The following GABRB2 variants were observed in gnomAD, a reference collection of about 807,000 sequenced individuals.
GABRB2 encodes the protein gamma-aminobutyric acid type A receptor subunit beta2.
GABRB2 carries 16 observed loss-of-function variants against 54.7 expected under a neutral mutation model. The ratio of observed to expected loss-of-function variants is 0.29; its 90% CI spans 0.20 to 0.44. The LOEUF (loss-of-function observed/expected upper bound fraction) is 0.44, where lower values mean the gene tolerates loss of function less well. GABRB2 is among the 20% of genes least tolerant of loss of function. The pLI is 1.00. For synonymous variants in GABRB2, 244 were observed against 233.8 expected (o/e 1.04, Z -0.40); for missense variants, 355 against 644.0 (o/e 0.55, Z 4.86).
chr5:161,442,430 T>TAAAA (rs1356896284), intron 4 of GABRB2, among the ~76,000 whole-genome samples: 1 of 152,218 alleles, frequency 6.6e-6, no homozygotes, highest in Admixed American at 6.5e-5. Context: ...ACCAGGACAC[T>TAAAA]GAAGCAGCCC....
Position 161,293,903 on chromosome 5 carries a change from A to G in GABRB2, c.*178T>C, listed in dbSNP as rs752513235. ...TGGAAAACCACAAGGACCTTAGTGT[A>G]TTCATTACTTAGCAGAAGCAACCCA... On this transcript the variant is annotated 3_prime_UTR_variant, in exon 10 of 10. Transcript: ENST00000393959. The G allele has an allele frequency of 1.0e-5, 6 of 596,610 alleles. No homozygotes were observed. Among genetic ancestry groups the G allele is most frequent in the Non-Finnish European group, 1.5e-5 (5 of 336,182 alleles). 37.0% of individuals were successfully genotyped at this position (596,610 alleles called of 1,614,324 possible).
chr5:161,524,482 C>T (rs1327268959), intron 3 of GABRB2, among the ~76,000 whole-genome samples: 1 of 151,598 alleles, frequency 6.6e-6, no homozygotes, highest in African/African-American at 2.4e-5. Context: ...AGCAGGAGCA[C>T]CAGATTGTAC....
chr5:161,534,169 CAG>C (rs1206139181), intron 3 of GABRB2, among the ~76,000 whole-genome samples: 1 of 152,146 alleles, frequency 6.6e-6, no homozygotes, highest in Non-Finnish European at 1.5e-5. Flanking sequence ...TTTTGCCCCC[CAG>C]GGTGCATTTG....
At chr5:161,306,409 T>C (rs1757692660) in intron 9 of GABRB2, among the ~76,000 whole-genome samples, 1 of 152,236 alleles carries the variant, frequency 6.6e-6, no homozygotes, top group Non-Finnish European at 1.5e-5. Flanking sequence ...TACTCAGATG[T>C]ATAGAGATAT....
chr5:161,305,033 G>A (rs928837431), intron 9 of GABRB2, among the ~76,000 whole-genome samples: 2 of 127,814 alleles, frequency 1.6e-5, no homozygotes, highest in Admixed American at 8.5e-5. Context: ...TTTTTGAGAC[G>A]GAGTCTCGCT....
intron 5 of GABRB2, among the ~76,000 whole-genome samples, chr5:161,341,968 T>TAC (rs59691217): frequency 1.9e-4 from 6 of 31,106 alleles, no homozygotes; most frequent in African/African-American, 3.5e-4. Flanking sequence ...TATATATATA[T>TAC]ACATACTTTA....
chr5:161,520,999 T>C (rs1760096335), intron 3 of GABRB2, among the ~76,000 whole-genome samples: 1 of 152,040 alleles, frequency 6.6e-6, no homozygotes, highest in Admixed American at 6.6e-5. Context: ...CTATGTCTTG[T>C]TGCCTGTGAC....
chr5:161,461,302 C>T (rs1161698554), intron 3 of GABRB2, among the ~76,000 whole-genome samples: 2 of 152,024 alleles, frequency 1.3e-5, no homozygotes, highest in Non-Finnish European at 2.9e-5. Flanking sequence ...AATTTTAATC[C>T]CAGCCTTACG....
intron 5 of GABRB2, among the ~76,000 whole-genome samples, chr5:161,341,345 TG>T (rs1754150598): frequency 6.6e-6 from 1 of 151,996 alleles, no homozygotes; most frequent in African/African-American, 2.4e-5. Flanking sequence ...GGAAATGCAC[TG>T]AAGCACTTCG....
chr5:161,365,716 A>T (rs1030180417), intron 5 of GABRB2, among the ~76,000 whole-genome samples: 11 of 152,132 alleles, frequency 7.2e-5, no homozygotes, highest in African/African-American at 2.4e-4. Context: ...CAGAGCCATG[A>T]TTCTTTCCTT....
chr5:161,294,636 T>C (rs1225233597), intron 9 of GABRB2, among the ~76,000 whole-genome samples: 1 of 152,190 alleles, frequency 6.6e-6, no homozygotes, highest in Non-Finnish European at 1.5e-5. Context: ...GATATAATAA[T>C]CCAACCCTAG....
intron 5 of GABRB2, among the ~76,000 whole-genome samples, chr5:161,357,141 A>G (rs527665411): frequency 2.0e-5 from 3 of 152,336 alleles, no homozygotes; most frequent in African/African-American, 7.2e-5. Context: ...AAGTAGAGCA[A>G]TCTAAGAAGT....
intron 4 of GABRB2, among the ~76,000 whole-genome samples, chr5:161,430,908 T>A (rs561835898): frequency 1.3e-3 from 200 of 152,252 alleles, no homozygotes; most frequent in African/African-American, 4.5e-3. Context: ...GACAAATTGC[T>A]TTTATAATTC....
chr5:161,497,510 G>T (rs1462280713), intron 3 of GABRB2, among the ~76,000 whole-genome samples: 1 of 130,760 alleles, frequency 7.6e-6, no homozygotes, highest in East Asian at 2.3e-4. Context: ...TTTGGACTTT[G>T]TGTGTGTGAG....
intron 4 of GABRB2, among the ~76,000 whole-genome samples, chr5:161,447,851 C>T (rs1157520974): frequency 6.6e-6 from 1 of 152,088 alleles, no homozygotes; most frequent in Admixed American, 6.6e-5. Flanking sequence ...GGGAAATAAG[C>T]CTGAAACTCC....
intron 5 of GABRB2, among the ~76,000 whole-genome samples, chr5:161,358,620 A>C (rs1754712373): frequency 6.6e-6 from 1 of 152,172 alleles, no homozygotes; most frequent in Non-Finnish European, 1.5e-5. Context: ...ATTTAGATGG[A>C]AGCATGAGAA....
At position 161,398,636 on chromosome 5, in the gene GABRB2, T is replaced by C. The variant is rs535972440; in HGVS notation, c.541+12339A>G. On this transcript the variant is annotated intron_variant, in intron 5 of 9. Transcript: ENST00000393959. The stretch of plus-strand genomic sequence containing the variant: ...ACAGCAGCCATCCTTAGGCTGGACT[T>C]TTCCATAGACACTGTTTTTTTGTTT... 3.2e-4 allele frequency among the ~76,000 whole-genome samples: 49 copies of C among 152,160 alleles called. 1 individual carries two copies. Among genetic ancestry groups the C allele is most frequent in the African/African-American group, 1.2e-3 (49 of 41,508 alleles).
intron 5 of GABRB2, among the ~76,000 whole-genome samples, chr5:161,406,636 C>T (rs894790042): frequency 4.6e-5 from 7 of 151,936 alleles, no homozygotes; most frequent in African/African-American, 1.4e-4. Flanking sequence ...ATAACAATCT[C>T]CTGTGTTAGG....
At chr5:161,514,773 C>A (rs1186086624) in intron 3 of GABRB2, among the ~76,000 whole-genome samples, 1 of 152,232 alleles carries the variant, frequency 6.6e-6, no homozygotes, top group East Asian at 1.9e-4. Flanking sequence ...ACATACCACT[C>A]GAAATTCTAG....
Sources: gnomAD v4.1 joint callset for allele counts (sites outside exome capture counted in the v4.1 genomes callset) on GRCh38, gnomAD v4.1.1 for gene constraint, MANE v1.5 for transcripts, NCBI Gene and HGNC (gene_info 2026-07-23, HGNC 2026-07-21) for gene names.